The following TENM3 variants were observed in gnomAD, a reference collection of about 807,000 sequenced individuals.
The protein encoded by TENM3 is teneurin transmembrane protein 3, also known as teneurin-3.
TENM3 carries 63 observed loss-of-function variants against 255.1 expected under a neutral mutation model. The ratio of observed to expected loss-of-function variants is 0.25; its 90% confidence interval spans 0.20 to 0.30. The LOEUF (loss-of-function observed/expected upper bound fraction) is 0.30. Ranked by LOEUF, TENM3 falls within the 10% of genes least tolerant of loss-of-function variation. The pLI is 1.00. For missense variants in TENM3, 2,929 were observed against 3,461.1 expected (o/e 0.85, Z 3.86); for synonymous variants, 1,306 against 1,322.3 (o/e 0.99, Z 0.27).
At chr4:181,767,045 G>A in the TENM3 span, among the ~76,000 whole-genome samples, 24 of 143,928 alleles carry the variant, frequency 1.7e-4, no homozygotes, top group Non-Finnish European at 3.5e-4. Flanking sequence ...GAGGTCAGGA[G>A]ATCAAGACCA....
chr4:182,324,626 G>A (rs1343788340), intron 2 of TENM3, among the ~76,000 whole-genome samples: 1 of 152,124 alleles, frequency 6.6e-6, no homozygotes, highest in East Asian at 1.9e-4. Context: ...GGCTAGAACC[G>A]GTACAAGGAG....
intron 3 of TENM3, among the ~76,000 whole-genome samples, chr4:182,559,812 G>T (rs945592254): frequency 4.6e-5 from 7 of 150,942 alleles, no homozygotes; most frequent in African/African-American, 1.7e-4. Context: ...ATGGTTAATG[G>T]GTACAAATAA....
At chr4:182,457,439 A>G (rs1302573670) in intron 3 of TENM3, among the ~76,000 whole-genome samples, 2 of 151,918 alleles carry the variant, frequency 1.3e-5, no homozygotes, top group African/African-American at 4.8e-5. Context: ...ACAACTCATG[A>G]AATTAAATAC....
At chr4:182,714,380 T>C in intron 13 of TENM3, 147 bp downstream of exon 13, 1 of 657,710 alleles carries the variant, frequency 1.5e-6, no homozygotes, top group South Asian at 2.4e-5. Context: ...AATGTATGAG[T>C]GCTGATAGAA....
chr4:182,637,694 G>A (rs1274670633), intron 5 of TENM3, among the ~76,000 whole-genome samples: 1 of 152,164 alleles, frequency 6.6e-6, no homozygotes, highest in Non-Finnish European at 1.5e-5. Flanking sequence ...GACAGAGACA[G>A]CAGTGAAAAT....
the TENM3 span, among the ~76,000 whole-genome samples, chr4:181,772,118 G>A: frequency 4.3e-4 from 65 of 152,106 alleles, no homozygotes; most frequent in Non-Finnish European, 7.5e-4. Context: ...GGTGGCTCAC[G>A]CCTGTAATCC....
the TENM3 span, among the ~76,000 whole-genome samples, chr4:181,729,158 T>C: frequency 3.9e-5 from 6 of 152,214 alleles, no homozygotes; most frequent in Admixed American, 6.5e-5. Context: ...CTGTACATAA[T>C]TCTGTGTGAT....
At chr4:182,306,510 C>T (rs1762141816) in intron 1 of TENM3, among the ~76,000 whole-genome samples, 1 of 152,116 alleles carries the variant, frequency 6.6e-6, no homozygotes, top group Non-Finnish European at 1.5e-5. Flanking sequence ...GGATGCATTT[C>T]TTAAGGAGAG....
At chr4:182,232,221 C>T (rs796596101) in intron 1 of TENM3, among the ~76,000 whole-genome samples, 1 of 152,130 alleles carries the variant, frequency 6.6e-6, no homozygotes, top group Non-Finnish European at 1.5e-5. Flanking sequence ...TATTCAGGGC[C>T]GTAACTCTCA....
chr4:181,503,987 C>A, the TENM3 span, among the ~76,000 whole-genome samples: 1 of 152,224 alleles, frequency 6.6e-6, no homozygotes, highest in Non-Finnish European at 1.5e-5. Context: ...AGCATTTCCA[C>A]TTTTCCTGCT....
the TENM3 span, among the ~76,000 whole-genome samples, chr4:181,681,482 G>C: frequency 6.6e-5 from 10 of 152,024 alleles, no homozygotes; most frequent in Admixed American, 2.0e-4. Flanking sequence ...CCTGAGTACT[G>C]TTTTTGCTAC....
intron 1 of TENM3, chr4:182,190,358 T>C (rs976328123): frequency 2.6e-5 from 4 of 152,206 alleles, no homozygotes; most frequent in Non-Finnish European, 4.4e-5. Context: ...CCACCAGTAT[T>C]TGAAACAAGT....
chr4:181,595,202 G>A, the TENM3 span, among the ~76,000 whole-genome samples: 5 of 151,992 alleles, frequency 3.3e-5, no homozygotes, highest in Middle Eastern at 3.4e-3. Flanking sequence ...AGGCTGAGGC[G>A]GACAGATTGC....
the TENM3 span, among the ~76,000 whole-genome samples, chr4:182,071,178 T>A: frequency 6.6e-6 from 1 of 152,194 alleles, no homozygotes; most frequent in Admixed American, 6.5e-5. Context: ...TAGATGGATG[T>A]TTTATTTTCC....
chr4:182,100,708 C>T, the TENM3 span, among the ~76,000 whole-genome samples: 3 of 13,810 alleles, frequency 2.2e-4, no homozygotes, highest in East Asian at 7.9e-3. Context: ...CATATATATA[C>T]ACACATATAT....
At chr4:181,878,743 C>G in the TENM3 span, among the ~76,000 whole-genome samples, 1 of 151,748 alleles carries the variant, frequency 6.6e-6, no homozygotes, top group Admixed American at 6.6e-5. Flanking sequence ...TATCATCTTC[C>G]CATCCATCCA....
chr4:182,255,691 G>T (rs1476894390), intron 1 of TENM3, among the ~76,000 whole-genome samples: 1 of 152,156 alleles, frequency 6.6e-6, no homozygotes, highest in African/African-American at 2.4e-5. Context: ...TTCCTGGGAG[G>T]TCACACAGCC....
At chr4:182,038,483 G>A in the TENM3 span, among the ~76,000 whole-genome samples, 19 of 152,240 alleles carry the variant, frequency 1.2e-4, no homozygotes, top group Non-Finnish European at 2.2e-4. Context: ...GACCATTTAA[G>A]TGTCTTGCTC....
At chr4:181,993,195 A>G in the TENM3 span, among the ~76,000 whole-genome samples, 5 of 152,136 alleles carry the variant, frequency 3.3e-5, no homozygotes, top group Admixed American at 6.6e-5. Context: ...TGTCTTATCC[A>G]GCATGCGCAC....
Sources: gnomAD v4.1 joint callset for allele counts (sites outside exome capture counted in the v4.1 genomes callset) on GRCh38, gnomAD v4.1.1 for gene constraint, MANE v1.5 for transcripts, NCBI Gene and HGNC (gene_info 2026-07-23, HGNC 2026-07-21) for gene names.